Variants in SDK1 observed in about 807,000 individuals in gnomAD.
The protein encoded by SDK1 is protein sidekick-1.
A neutral mutation model predicts 245.5 loss-of-function variants in SDK1; 157 were observed. The ratio of observed to expected loss-of-function variants is 0.64; its 90% CI spans 0.56 to 0.73. SDK1 has a LOEUF of 0.73. Ranked by LOEUF, SDK1 falls within the 30% of genes least tolerant of loss-of-function variation. SDK1 has a pLI of 0.00. For synonymous variants in SDK1, 1,647 were observed against 1,278.5 expected (o/e 1.29, Z -6.15); for missense variants, 3,583 against 3,002.3 (o/e 1.19, Z -4.52).
chr7:3,343,592 A>G (rs527264851), intron 1 of SDK1, among the ~76,000 whole-genome samples: 65 of 152,322 alleles, frequency 4.3e-4, no homozygotes, highest in East Asian at 1.4e-3. Flanking sequence ...ATCGATGTCA[A>G]TAATCTGTAT....
At chr7:3,613,015 A>T (rs1354856663) in intron 1 of SDK1, among the ~76,000 whole-genome samples, 1 of 152,150 alleles carries the variant, frequency 6.6e-6, no homozygotes, top group Non-Finnish European at 1.5e-5. Context: ...GCAAATTATC[A>T]AATAGGTGAT....
At chr7:3,963,885 C>T (rs1207883593) in intron 9 of SDK1, among the ~76,000 whole-genome samples, 2 of 152,040 alleles carry the variant, frequency 1.3e-5, no homozygotes, top group Non-Finnish European at 2.9e-5. Context: ...CGGACATATC[C>T]AGTGGGTACA....
intron 5 of SDK1, among the ~76,000 whole-genome samples, chr7:3,934,384 T>C (rs144116594): frequency 9.6e-4 from 146 of 152,356 alleles, no homozygotes; most frequent in African/African-American, 2.9e-3. Flanking sequence ...AAGACACTTT[T>C]CTAGTTACAG....
At chr7:3,999,629 T>C (rs371846234) in intron 14 of SDK1, among the ~76,000 whole-genome samples, 63 of 152,244 alleles carry the variant, frequency 4.1e-4, no homozygotes, top group African/African-American at 1.4e-3. Context: ...AAATGGGAGT[T>C]CAGGAAATTT....
At chr7:3,419,510 G>T (rs1468223284) in intron 1 of SDK1, among the ~76,000 whole-genome samples, 2 of 152,192 alleles carry the variant, frequency 1.3e-5, no homozygotes, top group South Asian at 4.2e-4. Context: ...GTCCGCAGGG[G>T]GTTGCTGTTT....
rs575272503 is a variant in SDK1 at position 3,480,117 on chromosome 7, T to G, written c.299-138963T>G. 7.9e-5 allele frequency among the ~76,000 whole-genome samples: 12 copies of G among 152,340 alleles called. 1 individual carries two copies. In the South Asian group the frequency reaches 1.4e-3, roughly 18 times the overall value. On this transcript the variant is annotated intron_variant, in intron 1 of 44. Coordinates refer to ENST00000404826, the MANE Select transcript of SDK1 (RefSeq NM_152744.4). ...ATTAAGCTTGCTGATCATTTCGTTT[T>G]CAAATACAGAGCTAATCTTGGATTA... is the stretch of plus-strand genomic sequence containing the variant.
At chr7:3,425,577 C>T (rs541495348) in intron 1 of SDK1, among the ~76,000 whole-genome samples, 53 of 152,204 alleles carry the variant, frequency 3.5e-4, no homozygotes, top group African/African-American at 1.2e-3. Context: ...GAATGGAAAA[C>T]AAATTTATAT....
At chr7:3,928,325 G>A (rs979702007) in intron 5 of SDK1, among the ~76,000 whole-genome samples, 1 of 152,128 alleles carries the variant, frequency 6.6e-6, no homozygotes, top group South Asian at 2.1e-4. Flanking sequence ...ATTCCCCACA[G>A]TGAGCCAATA....
rs114676889 is a variant in SDK1, at chr7:3,498,385, C to T, written c.299-120695C>T. On this transcript the variant is annotated intron_variant, in intron 1 of 44. Coordinates refer to ENST00000404826, the MANE Select transcript of SDK1 (RefSeq NM_152744.4). ...TATTTACCAGCCTTCTAGACGTGAG[C>T]TCATTACCTGACCTTTTAGAGTCTT... is the stretch of plus-strand genomic sequence containing the variant. Among the ~76,000 whole-genome samples the T allele has an allele frequency of 8.5e-3, 1,301 of 152,240 alleles. 27 individuals carry two copies. Among genetic ancestry groups the T allele is most frequent in the African/African-American group, 0.029 (1,203 of 41,544 alleles).
In SDK1 at chr7:4,105,017, C is replaced by T. The variant is rs1163454546; in HGVS notation, c.3325-5646C>T. Among the ~76,000 whole-genome samples the T allele has an allele frequency of 4.6e-5, 7 of 152,256 alleles. No individual in the cohort carries two copies. The East Asian group carries it at 1.4e-3, about 29-fold the overall frequency. ...TATTCTTTTGAGATGAAGTCGCACT[C>T]TGTCACCCTGGCTGGTGTGGAGAGG... is the stretch of plus-strand genomic sequence containing the variant. On this transcript the variant is annotated intron_variant, in intron 22 of 44. Coordinates refer to ENST00000404826, the MANE Select transcript of SDK1 (RefSeq NM_152744.4).
intron 1 of SDK1, among the ~76,000 whole-genome samples, chr7:3,392,698 A>G (rs1453203395): frequency 5.3e-5 from 8 of 152,262 alleles, no homozygotes; most frequent in Admixed American, 3.3e-4. Context: ...ATGTAAAATC[A>G]TACAACACAT....
intron 1 of SDK1, among the ~76,000 whole-genome samples, chr7:3,431,369 T>TTTG (rs1272157579): frequency 8.6e-5 from 13 of 151,018 alleles, no homozygotes; most frequent in Non-Finnish European, 1.5e-5. Context: ...TTTTTTTTTT[T>TTTG]TTTTTTTTTT....
Position 4,211,771 on chromosome 7 carries a change from A to G in SDK1, c.5539+1609A>G, listed in dbSNP as rs527600931. ...ACTACAGGCGCCCACCACCACGCCC[A>G]GCTAACTTTTTGTATTTTTAGTAGA... On this transcript the variant is annotated intron_variant, in intron 38 of 44. Coordinates refer to ENST00000404826, the MANE Select transcript of SDK1 (RefSeq NM_152744.4). Among the ~76,000 whole-genome samples the G allele has an allele frequency of 3.0e-3, 455 of 152,134 alleles. 1 individual carries two copies. The highest frequency in any genetic ancestry group is 0.01 in the Middle Eastern group (3 of 294).
At chr7:3,389,781 A>AAG (rs1489218434) in intron 1 of SDK1, among the ~76,000 whole-genome samples, 1 of 152,108 alleles carries the variant, frequency 6.6e-6, no homozygotes, top group Non-Finnish European at 1.5e-5. Context: ...CTAACGTGGA[A>AAG]GTTGGTACCT....
At chr7:3,723,793 T>C (rs964683136) in intron 4 of SDK1, among the ~76,000 whole-genome samples, 11 of 139,934 alleles carry the variant, frequency 7.9e-5, no homozygotes, top group African/African-American at 2.6e-4. Flanking sequence ...CACGTACTTA[T>C]ACATATACAC....
chr7:3,581,041 A>G (rs1205225838), intron 1 of SDK1, among the ~76,000 whole-genome samples: 3 of 151,042 alleles, frequency 2.0e-5, no homozygotes, highest in African/African-American at 4.9e-5. Context: ...CATTCTGGAC[A>G]TAAGAACTGG....
In SDK1 at chr7:3,301,730, C is replaced by T. The variant is rs1338495452; in HGVS notation, c.144C>T (p.Pro48=). The T allele has an allele frequency of 4.1e-6, 4 of 978,024 alleles. No homozygotes were observed. The highest frequency in any genetic ancestry group is 4.8e-6 in the Non-Finnish European group (4 of 826,740). The allele number at this position is 978,024 out of a possible 1,614,324, so 60.6% of individuals were successfully genotyped here. The change falls in exon 1 of 45, where the codon CCC becomes CCT. Residue 48 remains proline, a synonymous_variant. Coordinates refer to ENST00000404826, the MANE Select transcript of SDK1 (RefSeq NM_152744.4). ...TGGCGCCGCGCCCCGGCCCGGAGCC[C>T]TCGCGACCCCGGGCGGCGCCCGAGA... is the stretch of plus-strand genomic sequence containing the variant. ...PSLAPRPGPE[P]SRPRAAPETS...
At chr7:3,978,955 C>T (rs1015753212) in intron 13 of SDK1, among the ~76,000 whole-genome samples, 1 of 152,220 alleles carries the variant, frequency 6.6e-6, no homozygotes, top group Non-Finnish European at 1.5e-5. Flanking sequence ...CTTCTCACGT[C>T]TGTTTGCCCC....
At chr7:4,047,836 A>G (rs1004043) in intron 17 of SDK1, among the ~76,000 whole-genome samples, 69,153 of 152,078 alleles carry the variant, frequency 0.45, 19,331 homozygotes, top group African/African-American at 0.79. Flanking sequence ...ACTTTGTTCA[A>G]CTTTTCTTGT....
Sources: gnomAD v4.1 joint callset for allele counts (sites outside exome capture counted in the v4.1 genomes callset) on GRCh38, gnomAD v4.1.1 for gene constraint, MANE v1.5 for transcripts, NCBI Gene and HGNC (gene_info 2026-07-23, HGNC 2026-07-21) for gene names.